ADH1A: variants seen among roughly 807,000 people sequenced by gnomAD.
ADH1A encodes the protein alcohol dehydrogenase 1A.
Under a neutral mutation model 35.2 loss-of-function variants are expected in ADH1A, and 29 were observed. That is an observed-to-expected ratio of 0.82 (90% CI 0.61 to 1.12). The LOEUF (loss-of-function observed/expected upper bound fraction) is 1.12. Among genes scored for constraint, ADH1A ranks in the 50% most tolerant of loss-of-function variants. The probability of loss-of-function intolerance (pLI) is 0.00; values close to 1 mark genes in which losing one functional copy is unlikely to be tolerated. For synonymous variants in ADH1A, 147 were observed against 164.8 expected (o/e 0.89, Z 0.83); for missense variants, 469 against 464.7 (o/e 1.01, Z -0.09).
Position 99,286,997 on chromosome 4 carries a change from T to C in ADH1A, c.121-9A>G, listed in dbSNP as rs954950782. The C allele has an allele frequency of 1.9e-6, 3 of 1,609,090 alleles. No homozygotes were observed. The South Asian group carries it at 3.3e-5, about 18-fold the overall frequency. ...ATTCCTACAGCCACCATCTACAGAGTGAAGAGAAGATGTTTATAAAAGATT... is the reference window on the plus strand; with the variant it reads ...ATTCCTACAGCCACCATCTACAGAGCGAAGAGAAGATGTTTATAAAAGATT... On this transcript the variant is annotated splice_polypyrimidine_tract_variant and intron_variant, in intron 2 of 8. Transcript: ENST00000209668.
In ADH1A at chr4:99,286,591, A is replaced by AT. The variant is rs1334627492; in HGVS notation, c.259+258dup. On this transcript the variant is annotated intron_variant, in intron 3 of 8. Transcript: ENST00000209668. ...GCACTGTGTCCCTTTTGATCCTCAC[A>AT]TATCTCCAGGCTCCAACCTGGTGAC... 1.9e-5 allele frequency: 9 copies of AT among 463,908 alleles called. No homozygotes were observed. In the Admixed American group the frequency reaches 3.5e-4, roughly 18 times the overall value. The allele number at this position is 463,908 out of a possible 1,614,324, so 28.7% of individuals were successfully genotyped here.
Position 99,276,458 on chromosome 4 carries a change from G to A in ADH1A, c.*166C>T. 1 of 692,678 alleles carries A rather than the reference G, an allele frequency of 1.4e-6. No individual in the cohort carries two copies. The highest frequency in any genetic ancestry group is 2.5e-6 in the Non-Finnish European group (1 of 400,922). 42.9% of individuals were successfully genotyped at this position (692,678 alleles called of 1,614,324 possible). ...TCATTTGGATTTTAAACATTTGCTT[G>A]AAAAATAATTTTACATCAATTTCCA... On this transcript the variant is annotated 3_prime_UTR_variant, in exon 9 of 9. Coordinates refer to ENST00000209668, the MANE Select transcript of ADH1A (RefSeq NM_000667.4).
intron 8 of ADH1A, among the ~76,000 whole-genome samples, chr4:99,278,211 A>G (rs1432173757): frequency 1.3e-5 from 2 of 152,032 alleles, no homozygotes; most frequent in Admixed American, 1.3e-4. Flanking sequence ...CATCTTTTCA[A>G]TCCTATGATG....
chr4:99,279,108 T>C (rs1159821871), intron 8 of ADH1A, among the ~76,000 whole-genome samples: 4 of 151,966 alleles, frequency 2.6e-5, no homozygotes, highest in African/African-American at 4.8e-5. Flanking sequence ...GTTATAATTA[T>C]GGTTATTTAA....
rs1732871612 is a variant in ADH1A, at chr4:99,276,516, G to T, written c.*108C>A. On this transcript the variant is annotated 3_prime_UTR_variant, in exon 9 of 9. Coordinates refer to ENST00000209668, the MANE Select transcript of ADH1A (RefSeq NM_000667.4). The stretch of plus-strand genomic sequence containing the variant: ...GGAAAGCCCCCAAATGTAATTTATT[G>T]ATAAAATCTGTGATGAGCAGAATTA... The T allele has an allele frequency of 1.0e-5, 10 of 986,778 alleles. No individual in the cohort carries two copies. Among genetic ancestry groups the T allele is most frequent in the Admixed American group, 6.3e-5 (3 of 47,996 alleles). 61.1% of individuals were successfully genotyped at this position (986,778 alleles called of 1,614,324 possible). A position where few individuals can be genotyped will look rare whatever the true frequency, so the allele number is the denominator to read the frequency against.
chr4:99,281,869 T>G (rs1422268716), intron 6 of ADH1A: 1 of 190,940 alleles, frequency 5.2e-6, no homozygotes, highest in Non-Finnish European at 1.1e-5. Context: ...GGCATGTTTT[T>G]GTTAATAAAA....
At chr4:99,283,499 C>CATTCATTCATT (rs1733055880) in intron 5 of ADH1A, among the ~76,000 whole-genome samples, 1 of 111,670 alleles carries the variant, frequency 9.0e-6, no homozygotes, top group African/African-American at 3.6e-5. Flanking sequence ...CATTCATTCA[C>CATTCATTCATT]CAAGTGGTAT....
intron 3 of ADH1A, among the ~76,000 whole-genome samples, chr4:99,286,027 A>C (rs1006815999): frequency 8.6e-5 from 13 of 151,596 alleles, no homozygotes; most frequent in Non-Finnish European, 1.6e-4. Context: ...GTCTCAAAAA[A>C]AAAAAAAAAA....
At chr4:99,276,967 GATA>G (rs1343116392) in intron 8 of ADH1A, among the ~76,000 whole-genome samples, 1 of 152,100 alleles carries the variant, frequency 6.6e-6, no homozygotes, top group Admixed American at 6.6e-5. Context: ...AACAACAATG[GATA>G]ATAACTTGTG....
chr4:99,279,960 A>G (rs986405762), intron 7 of ADH1A, among the ~76,000 whole-genome samples, 184 bp downstream of exon 7: 1 of 152,226 alleles, frequency 6.6e-6, no homozygotes, highest in Admixed American at 6.5e-5. Flanking sequence ...TGGTGGCATC[A>G]GAAATGTCGA....
chr4:99,287,685 G>A lies in ADH1A; in HGVS notation c.19-20C>T. ...GATTACCTAGAAAAGCAAACAGAGAGATGGCACCAGTGTTCTCCCACGCTT... is the reference window on the plus strand; with the variant it reads ...GATTACCTAGAAAAGCAAACAGAGAAATGGCACCAGTGTTCTCCCACGCTT... On this transcript the variant is annotated intron_variant, in intron 1 of 8. Transcript: ENST00000209668. 1 of 1,612,800 alleles carries A rather than the reference G, an allele frequency of 6.2e-7. No individual in the cohort carries two copies. The highest frequency in any genetic ancestry group is 1.3e-5 in the African/African-American group (1 of 75,024).
chr4:99,284,823 A>C lies in ADH1A; in HGVS notation c.260-20T>G, dbSNP rs1451692192. 2 of 1,600,228 alleles carry C rather than the reference A, an allele frequency of 1.2e-6. No individual in the cohort carries two copies. Among genetic ancestry groups the C allele is most frequent in the Non-Finnish European group, 1.7e-6 (2 of 1,167,572 alleles). Reference sequence around the variant, plus strand: ...TATCACCTGGAGAGGGATAAAACAAATTCTTTTACAATTTCTATCCAGGTA... The same window carrying C: ...TATCACCTGGAGAGGGATAAAACAACTTCTTTTACAATTTCTATCCAGGTA... On this transcript the variant is annotated intron_variant, in intron 3 of 8. Coordinates refer to ENST00000209668, the MANE Select transcript of ADH1A (RefSeq NM_000667.4).
chr4:99,286,645 T>C (rs1016677126), intron 3 of ADH1A: 79 of 777,524 alleles, frequency 1.0e-4, no homozygotes, highest in South Asian at 2.7e-4. Context: ...CAGTACATAA[T>C]TGTTGAAGGG....
chr4:99,288,265 T>C (rs911959703), intron 1 of ADH1A, among the ~76,000 whole-genome samples: 1 of 152,282 alleles, frequency 6.6e-6, no homozygotes, highest in Admixed American at 6.5e-5. Context: ...GAGGCTGTAC[T>C]GTTATCTGAT....
At chr4:99,282,238 C>T in intron 6 of ADH1A, 108 bp downstream of exon 6, 1 of 1,601,042 alleles carries the variant, frequency 6.2e-7, no homozygotes, top group South Asian at 1.1e-5. Flanking sequence ...TGGGAAATTT[C>T]CATTCATCAT....
At position 99,288,071 on chromosome 4, in the gene ADH1A, A is replaced by G. The variant is rs1031842598; in HGVS notation, c.19-406T>C. Among the ~76,000 whole-genome samples the G allele has an allele frequency of 2.0e-5, 3 of 152,206 alleles. No individual in the cohort carries two copies. In the South Asian group the frequency reaches 6.2e-4, roughly 32 times the overall value. On this transcript the variant is annotated intron_variant, in intron 1 of 8. Coordinates refer to ENST00000209668, the MANE Select transcript of ADH1A (RefSeq NM_000667.4). The stretch of plus-strand genomic sequence containing the variant: ...GAGTCAGTGTCTGTTCACATAAAAT[A>G]CACTGTTTTCTTTCTCAATTTTCTG...
At chr4:99,280,375 A>G (rs569705560) in intron 6 of ADH1A, 96 bp from the exon 7 acceptor site, 403 of 1,573,444 alleles carry the variant, frequency 2.6e-4, no homozygotes, top group Non-Finnish European at 3.4e-4. Context: ...CTGGATTGTG[A>G]GTGTGTAGAG....
chr4:99,285,402 C>T (rs910358168), intron 3 of ADH1A, among the ~76,000 whole-genome samples: 2 of 152,022 alleles, frequency 1.3e-5, no homozygotes, highest in Non-Finnish European at 2.9e-5. Flanking sequence ...AATTTCAACC[C>T]TCCACAATAA....
At chr4:99,288,488 T>C (rs559587960) in intron 1 of ADH1A, among the ~76,000 whole-genome samples, 7 of 152,286 alleles carry the variant, frequency 4.6e-5, no homozygotes, top group Admixed American at 1.3e-4. Context: ...ACACATAATT[T>C]CCAGTGCTTG....
Sources: gnomAD v4.1 joint callset for allele counts (sites outside exome capture counted in the v4.1 genomes callset) on GRCh38, gnomAD v4.1.1 for gene constraint, MANE v1.5 for transcripts, NCBI Gene and HGNC (gene_info 2026-07-23, HGNC 2026-07-21) for gene names.